Variants in MND1 observed in about 807,000 individuals in gnomAD.
MND1 encodes meiotic nuclear divisions 1, also known as meiotic nuclear division protein 1 homolog.
A neutral mutation model predicts 35.1 loss-of-function variants in MND1; 28 were observed. The ratio of observed to expected loss-of-function variants is 0.80; its 90% CI spans 0.59 to 1.09. MND1 has a LOEUF of 1.09. Among genes scored for constraint, MND1 ranks in the 50% least tolerant of loss-of-function variants. The pLI, the probability that MND1 is intolerant of heterozygous loss-of-function variation, is 0.00. For synonymous variants in MND1, 69 were observed against 70.5 expected (o/e 0.98, Z 0.11); for missense variants, 213 against 239.6 (o/e 0.89, Z 0.73).
At chr4:153,369,196 G>T (rs1054203887) in intron 4 of MND1, among the ~76,000 whole-genome samples, 1 of 152,178 alleles carries the variant, frequency 6.6e-6, no homozygotes, top group Admixed American at 6.5e-5. Flanking sequence ...GGTTTTCTCC[G>T]TAGTACAGCT....
At chr4:153,363,138 A>G in intron 4 of MND1, 1 of 330,734 alleles carries the variant, frequency 3.0e-6, no homozygotes, top group Non-Finnish European at 4.3e-6. Flanking sequence ...CCTGGTGTGC[A>G]TGTTAGACTC....
At chr4:153,373,164 T>C (rs1032007940) in intron 4 of MND1, among the ~76,000 whole-genome samples, 7 of 152,156 alleles carry the variant, frequency 4.6e-5, no homozygotes, top group Non-Finnish European at 7.4e-5. Flanking sequence ...TTAATTAGGG[T>C]GTCTAGACCA....
chr4:153,381,378 T>C (rs1728677044), intron 4 of MND1, among the ~76,000 whole-genome samples: 1 of 151,424 alleles, frequency 6.6e-6, no homozygotes, highest in African/African-American at 2.4e-5. Context: ...CCTCAGTGTT[T>C]CATATGAGAT....
At chr4:153,355,898 G>A (rs1488301457) in intron 3 of MND1, 187 bp downstream of exon 3, 1 of 534,784 alleles carries the variant, frequency 1.9e-6, no homozygotes, top group Non-Finnish European at 3.4e-6. Flanking sequence ...TTATTTTTCT[G>A]TATAATACAT....
chr4:153,394,914 T>C (rs1022684699), intron 5 of MND1, among the ~76,000 whole-genome samples: 11 of 152,216 alleles, frequency 7.2e-5, no homozygotes, highest in African/African-American at 1.4e-4. Context: ...TCATTTCACT[T>C]TCTATTTTCA....
At chr4:153,398,422 G>A (rs1404681202) in intron 6 of MND1, among the ~76,000 whole-genome samples, 1 of 152,194 alleles carries the variant, frequency 6.6e-6, no homozygotes, top group Non-Finnish European at 1.5e-5. Context: ...AACTAAGCTG[G>A]CCTAGTCCTT....
In MND1 at chr4:153,360,667, T is replaced by TATAAATAA. The variant is rs58220178; in HGVS notation, c.276+2061_276+2068dup. Reference sequence around the variant, plus strand: ...ACACAAAAATATATAAATATTTTTATATAAATAAATAAATAAATAAATACT... The same window carrying TATAAATAA: ...ACACAAAAATATATAAATATTTTTATATAAATAAATAAATAAATAAATAAATAAATACT... On this transcript the variant is annotated intron_variant, in intron 4 of 7. Coordinates refer to ENST00000240488, the MANE Select transcript of MND1 (RefSeq NM_032117.4). 2.2e-3 allele frequency among the ~76,000 whole-genome samples: 242 copies of TATAAATAA among 109,838 alleles called. 3 individuals are homozygous for TATAAATAA. Among genetic ancestry groups the TATAAATAA allele is most frequent in the South Asian group, 0.019 (71 of 3,728 alleles). The allele number at this position is 109,838 out of a possible 152,430, so 72.1% of individuals were successfully genotyped here.
At chr4:153,414,467 G>T (rs1729779640) in intron 7 of MND1, among the ~76,000 whole-genome samples, 1 of 151,862 alleles carries the variant, frequency 6.6e-6, no homozygotes, top group African/African-American at 2.4e-5. Flanking sequence ...TGTATTTTTA[G>T]TAGAGATGGG....
intron 4 of MND1, among the ~76,000 whole-genome samples, chr4:153,369,201 A>G (rs1415840021): frequency 2.0e-5 from 3 of 152,238 alleles, no homozygotes; most frequent in Admixed American, 2.0e-4. Flanking sequence ...TCTCCGTAGT[A>G]CAGCTCACAG....
intron 7 of MND1, among the ~76,000 whole-genome samples, chr4:153,409,878 C>A (rs1729632939): frequency 6.6e-6 from 1 of 152,006 alleles, no homozygotes; most frequent in South Asian, 2.1e-4. Context: ...AAGTAAGTGT[C>A]CCACAAAGTA....
chr4:153,355,287 A>T (rs919516279), intron 2 of MND1, among the ~76,000 whole-genome samples: 1 of 152,208 alleles, frequency 6.6e-6, no homozygotes, highest in African/African-American at 2.4e-5. Flanking sequence ...TGATTCTATT[A>T]TACTGTTCAT....
intron 4 of MND1, among the ~76,000 whole-genome samples, chr4:153,372,155 T>C (rs1042227944): frequency 9.2e-5 from 14 of 151,976 alleles, no homozygotes; most frequent in African/African-American, 2.9e-4. Flanking sequence ...CCGTGACAGA[T>C]ATAATAATAA....
At chr4:153,387,406 C>T (rs1308472067) in intron 4 of MND1, among the ~76,000 whole-genome samples, 1 of 151,934 alleles carries the variant, frequency 6.6e-6, no homozygotes, top group Non-Finnish European at 1.5e-5. Flanking sequence ...TTTATTGTTT[C>T]CTTATGATTA....
At chr4:153,360,840 T>C (rs1227707207) in intron 4 of MND1, among the ~76,000 whole-genome samples, 1 of 151,694 alleles carries the variant, frequency 6.6e-6, no homozygotes, top group Non-Finnish European at 1.5e-5. Flanking sequence ...TATACACATG[T>C]ATATATAACT....
chr4:153,409,110 G>GAACAAAAAAA (rs774651275), intron 7 of MND1, 95 bp downstream of exon 7: 13 of 641,254 alleles, frequency 2.0e-5, no homozygotes, highest in Non-Finnish European at 2.8e-5. Flanking sequence ...CTTTGTTCAA[G>GAACAAAAAAA]AAAGGACGTT....
At chr4:153,357,047 C>T (rs1185018079) in intron 3 of MND1, among the ~76,000 whole-genome samples, 4 of 152,066 alleles carry the variant, frequency 2.6e-5, no homozygotes, top group African/African-American at 7.2e-5. Flanking sequence ...GTTGTCAAAC[C>T]GCTGACCTCA....
chr4:153,409,060 C>A, intron 7 of MND1, 45 bp downstream of exon 7: 1 of 1,158,012 alleles, frequency 8.6e-7, no homozygotes, highest in Non-Finnish European at 1.1e-6. Flanking sequence ...AAATTCCCTT[C>A]ACACTTACTG....
chr4:153,363,094 C>A, intron 4 of MND1: 1 of 777,174 alleles, frequency 1.3e-6, no homozygotes, highest in Non-Finnish European at 1.6e-6. Context: ...TCAGTTCTAG[C>A]TCTCCTTGTC....
intron 4 of MND1, among the ~76,000 whole-genome samples, chr4:153,390,600 G>A (rs193050226): frequency 1.3e-5 from 2 of 152,188 alleles, no homozygotes; most frequent in South Asian, 2.1e-4. Context: ...CAATCCCAGT[G>A]CTCTAGGAAG....
Sources: gnomAD v4.1 joint callset for allele counts (sites outside exome capture counted in the v4.1 genomes callset) on GRCh38, gnomAD v4.1.1 for gene constraint, MANE v1.5 for transcripts, NCBI Gene and HGNC (gene_info 2026-07-23, HGNC 2026-07-21) for gene names.